The following LAMA1 variants were observed in gnomAD, a reference collection of about 807,000 sequenced individuals.
LAMA1 encodes the protein laminin subunit alpha-1.
LAMA1 carries 219 observed loss-of-function variants against 348.7 expected under a neutral mutation model. That is an observed-to-expected ratio of 0.63 (90% CI 0.56 to 0.70). LAMA1 has a LOEUF of 0.70. Ranked by LOEUF, LAMA1 falls within the 30% of genes least tolerant of loss-of-function variation. The pLI is 0.00. For missense variants in LAMA1, 3,744 were observed against 3,888.0 expected (o/e 0.96, Z 0.99); for synonymous variants, 1,487 against 1,491.0 (o/e 1.00, Z 0.06).
At position 7,037,717 on chromosome 18, in the gene LAMA1, A is replaced by G; in HGVS notation, c.1598T>C (p.Leu533Ser). Residue 533 changes from leucine to serine, a missense_variant, in exon 12 of 63, where the codon TTG (leucine) becomes TCG (serine). Physicochemically the swap from Leu to Ser is moderately radical, Grantham distance 145. Transcript: ENST00000389658. ...AGACGGGATCTTCCTGGGACTGATC[A>G]AGTCGGTGACCAGCCACCCGGACAT... ...NSMSGWLVTDLISPRKIPSQQ... is the reference protein window; with the variant it reads ...NSMSGWLVTDSISPRKIPSQQ... 1 of 1,614,244 alleles carries G rather than the reference A, an allele frequency of 6.2e-7. No homozygotes were observed. Among genetic ancestry groups the G allele is most frequent in the Non-Finnish European group, 8.5e-7 (1 of 1,180,048 alleles).
intron 7 of LAMA1, among the ~76,000 whole-genome samples, chr18:7,044,492 C>T (rs981897975): frequency 6.6e-6 from 1 of 151,920 alleles, no homozygotes; most frequent in African/African-American, 2.4e-5. Context: ...AAAATTAATA[C>T]AGAATAATAG....
At chr18:7,054,984 C>A (rs2058075806) in intron 3 of LAMA1, among the ~76,000 whole-genome samples, 1 of 152,106 alleles carries the variant, frequency 6.6e-6, no homozygotes, top group Non-Finnish European at 1.5e-5. Context: ...TTTATGTTAT[C>A]AGCAAGGCTT....
intron 22 of LAMA1, 86 bp downstream of exon 22, chr18:7,015,636 C>A (rs2057883916): frequency 6.7e-7 from 1 of 1,489,208 alleles, no homozygotes; most frequent in Non-Finnish European, 9.3e-7. Flanking sequence ...AGATTAAAGT[C>A]CAGAAAATAT....
intron 1 of LAMA1, among the ~76,000 whole-genome samples, chr18:7,085,554 G>C (rs1319824168): frequency 6.6e-6 from 1 of 151,574 alleles, no homozygotes; most frequent in East Asian, 1.9e-4. Flanking sequence ...GAGTAGCTGG[G>C]ACTATAGGCA....
At chr18:6,957,629 G>A (rs2057585907) in intron 55 of LAMA1, among the ~76,000 whole-genome samples, 1 of 152,120 alleles carries the variant, frequency 6.6e-6, no homozygotes, top group African/African-American at 2.4e-5. Flanking sequence ...GGTGTTCCTG[G>A]GCAGATGCTG....
chr18:7,037,632 C>T lies in LAMA1; in HGVS notation c.1683G>A (p.Gln561=). 6.2e-7 allele frequency: 1 copy of T among 1,614,162 alleles called. No homozygotes were observed. Among genetic ancestry groups the T allele is most frequent in the Non-Finnish European group, 8.5e-7 (1 of 1,180,034 alleles). The part of the protein sequence containing the change: ...QVSINNTAVM[Q]RLAPKYYWAA... Reference sequence around the variant, plus strand: ...CCCAGTAGTACTTGGGAGCCAGTCTCTGCATGACCGCGGTGTTGTTGATGC... The same window carrying T: ...CCCAGTAGTACTTGGGAGCCAGTCTTTGCATGACCGCGGTGTTGTTGATGC... The change falls in exon 12 of 63, where the codon CAG becomes CAA. Residue 561 remains glutamine, a synonymous_variant. Transcript: ENST00000389658.
Position 6,997,681 on chromosome 18 carries a change from C to A in LAMA1, c.4806+61G>T, listed in dbSNP as rs1045879796. 24 of 1,562,896 alleles carry A rather than the reference C, an allele frequency of 1.5e-5. No homozygotes were observed. In the African/African-American group the frequency reaches 3.1e-4, roughly 20 times the overall value. On this transcript the variant is annotated intron_variant, in intron 33 of 62. Coordinates refer to ENST00000389658, the MANE Select transcript of LAMA1 (RefSeq NM_005559.4). Reference sequence around the variant, plus strand: ...ACACATGGAATGACTCCCACCATTCCCAATGACTATATCCCTTAATGATAC... The same window carrying A: ...ACACATGGAATGACTCCCACCATTCACAATGACTATATCCCTTAATGATAC...
chr18:6,991,309 T>C, intron 36 of LAMA1, among the ~76,000 whole-genome samples: 1 of 147,368 alleles, frequency 6.8e-6, no homozygotes, highest in South Asian at 2.2e-4. Flanking sequence ...TTAAAAAATA[T>C]AAAAAAAAAA....
At chr18:6,975,226 C>T (rs181612302) in intron 45 of LAMA1, among the ~76,000 whole-genome samples, 190 bp from the exon 46 acceptor site, 11 of 152,316 alleles carry the variant, frequency 7.2e-5, no homozygotes, top group African/African-American at 2.2e-4. Flanking sequence ...GCATGACTCA[C>T]AGCCCCGGGG....
chr18:6,995,372 G>T lies in LAMA1; in HGVS notation c.4881C>A (p.Asp1627Glu). 6.2e-7 allele frequency: 1 copy of T among 1,612,720 alleles called. No individual in the cohort carries two copies. The highest frequency in any genetic ancestry group is 8.5e-7 in the Non-Finnish European group (1 of 1,178,664). The change falls in exon 34 of 63, where the codon GAC becomes GAA. Residue 1627 changes from aspartate (D) to glutamate (E), a missense_variant. Coordinates refer to ENST00000389658, the MANE Select transcript of LAMA1 (RefSeq NM_005559.4). ...AAGAATTTACCTTCTTTTGCAGGTT[G>T]TCCGTTTCTTCTGCAACACCTTCAA... ...IKLEGVAEET[D>E]NLQKKLTRML... is the part of the protein sequence containing the mutation.
Position 7,074,759 on chromosome 18 carries a change from C to T in LAMA1, c.345+5216G>A, listed in dbSNP as rs77954599. Among the ~76,000 whole-genome samples, 310 of 151,948 alleles carry T rather than the reference C, an allele frequency of 2.0e-3. 2 individuals are homozygous for T. The highest frequency in any genetic ancestry group is 7.3e-3 in the African/African-American group (302 of 41,460). On this transcript the variant is annotated intron_variant, in intron 3 of 62. Coordinates refer to ENST00000389658, the MANE Select transcript of LAMA1 (RefSeq NM_005559.4). Reference sequence around the variant, plus strand: ...ATCTGACAGTGTATCTTCTAAAATACTGTGAATCAATGAAAGAAGTGAATA... The same window carrying T: ...ATCTGACAGTGTATCTTCTAAAATATTGTGAATCAATGAAAGAAGTGAATA...
At chr18:7,117,219 G>T (rs968153264) in intron 1 of LAMA1, among the ~76,000 whole-genome samples, 1 of 152,074 alleles carries the variant, frequency 6.6e-6, no homozygotes, top group East Asian at 1.9e-4. Flanking sequence ...GGCGACTCGG[G>T]AGAGCTCTTT....
chr18:6,990,606 A>G (rs1349411757), intron 36 of LAMA1, among the ~76,000 whole-genome samples: 1 of 152,114 alleles, frequency 6.6e-6, no homozygotes, highest in Non-Finnish European at 1.5e-5. Context: ...GGCTTCTGTC[A>G]CCACTACCCA....
rs540400843 is a variant in LAMA1, at chr18:6,958,421, C to T, written c.7964+56G>A. The T allele has an allele frequency of 1.2e-5, 18 of 1,557,646 alleles. No individual in the cohort carries two copies. The South Asian group carries it at 2.0e-4, about 17-fold the overall frequency. On this transcript the variant is annotated intron_variant, in intron 55 of 62. Transcript: ENST00000389658. ...CAATGAGATTTCAGATTAGTGTTAG[C>T]ACTCACCATGAAAGGTCAGAAAGTG...
intron 17 of LAMA1, among the ~76,000 whole-genome samples, chr18:7,025,320 C>T (rs560351365): frequency 7.2e-4 from 109 of 152,280 alleles, no homozygotes; most frequent in Non-Finnish European, 1.3e-3. Context: ...CTAGAACGCC[C>T]GTCTATGCTG....
intron 46 of LAMA1, among the ~76,000 whole-genome samples, chr18:6,973,612 T>G (rs2057668261): frequency 6.6e-6 from 1 of 152,174 alleles, no homozygotes; most frequent in Non-Finnish European, 1.5e-5. Flanking sequence ...GTGCCTGAAT[T>G]TTAAGAAAAT....
At chr18:7,026,425 T>TGG (rs2057943668) in intron 16 of LAMA1, among the ~76,000 whole-genome samples, 2 of 152,134 alleles carry the variant, frequency 1.3e-5, no homozygotes, top group Non-Finnish European at 2.9e-5. Flanking sequence ...CTAAGGGGAA[T>TGG]TCTGATGAAG....
At chr18:7,028,641 G>A (rs572381848) in intron 16 of LAMA1, among the ~76,000 whole-genome samples, 4 of 152,322 alleles carry the variant, frequency 2.6e-5, no homozygotes, top group African/African-American at 7.2e-5. Context: ...CCTACTAGAC[G>A]AAATCATAGA....
chr18:6,978,284 C>T lies in LAMA1; in HGVS notation c.6102G>A (p.Gln2034=). Residue 2034 remains glutamine (Q), a synonymous_variant, in exon 43 of 63, where the codon CAG becomes CAA. Coordinates refer to ENST00000389658, the MANE Select transcript of LAMA1 (RefSeq NM_005559.4). ...STLRDVAGLS[Q]ELLNTSASLS... ...GGCTGGCAGATGTGTTCAGCAGCTC[C>T]TGGCTCAGCCCCGCCACGTCCCTCA... The T allele has an allele frequency of 2.5e-6, 4 of 1,614,228 alleles. No homozygotes were observed. The South Asian group carries it at 3.3e-5, about 13-fold the overall frequency.
Sources: gnomAD v4.1 joint callset for allele counts (sites outside exome capture counted in the v4.1 genomes callset) on GRCh38, gnomAD v4.1.1 for gene constraint, MANE v1.5 for transcripts, NCBI Gene and HGNC (gene_info 2026-07-23, HGNC 2026-07-21) for gene names.